NPAT: variants seen among roughly 807,000 people sequenced by gnomAD.
NPAT encodes nuclear protein, coactivator of histone transcription, also known as protein NPAT.
A neutral mutation model predicts 130.7 loss-of-function variants in NPAT; 52 were observed. The observed-to-expected ratio is 0.40, with a 90% CI of 0.32 to 0.50. The LOEUF (loss-of-function observed/expected upper bound fraction) is 0.50, where lower values mean the gene tolerates loss of function less well. Among genes scored for constraint, NPAT ranks in the 20% least tolerant of loss-of-function variants. The probability of loss-of-function intolerance (pLI) is 0.68; values close to 1 mark genes in which losing one functional copy is unlikely to be tolerated. For missense variants in NPAT, 1,687 were observed against 1,662.6 expected, an observed-to-expected ratio of 1.01 and a Z score of -0.26; for synonymous variants, 580 against 584.8, an observed-to-expected ratio of 0.99 and a Z score of 0.12.
In NPAT at chr11:108,173,815, T is replaced by C. The variant is rs775420160; in HGVS notation, c.1169A>G (p.Tyr390Cys). 5.0e-6 allele frequency: 8 copies of C among 1,614,134 alleles called. No individual in the cohort carries two copies. Among genetic ancestry groups the C allele is most frequent in the Non-Finnish European group, 4.2e-6 (5 of 1,180,012 alleles). The change falls in exon 13 of 18, where the codon TAT becomes TGT. Residue 390 changes from tyrosine to cysteine, a missense_variant. By Grantham distance (194) the Tyr-to-Cys change is radical. Around this residue, in one of 3 missense-constraint regions of NPAT, gnomAD observed 1,379 missense variants for 1,346.6 expected, o/e 1.02. Coordinates refer to ENST00000278612, the MANE Select transcript of NPAT (RefSeq NM_002519.3). ...QSGQPAFCTS[Y>C]QNDDPLNALK... ...AGCATTTAATGGGTCATCATTCTGA[T>C]AGGATGTACAAAAAGCGGGCTGACC...
chr11:108,208,319 T>A (rs995198384), intron 1 of NPAT: 4 of 341,528 alleles, frequency 1.2e-5, no homozygotes, highest in African/African-American at 6.6e-5. Flanking sequence ...CACAAAAAGA[T>A]AACATGGCTG....
At chr11:108,207,929 G>A (rs1343509362) in intron 1 of NPAT, among the ~76,000 whole-genome samples, 3 of 152,208 alleles carry the variant, frequency 2.0e-5, no homozygotes, top group Non-Finnish European at 4.4e-5. Context: ...CTGATTCAAA[G>A]ACACAAACAG....
chr11:108,203,850 T>G (rs2078298037), intron 1 of NPAT, among the ~76,000 whole-genome samples: 1 of 152,264 alleles, frequency 6.6e-6, no homozygotes, highest in Non-Finnish European at 1.5e-5. Context: ...TTATTTCTGT[T>G]ATCTTTGGGA....
At chr11:108,214,622 A>C (rs1315995904) in intron 1 of NPAT, among the ~76,000 whole-genome samples, 1 of 151,548 alleles carries the variant, frequency 6.6e-6, no homozygotes, top group African/African-American at 2.4e-5. Context: ...ATAAAAAAAT[A>C]TGATTCCAAT....
chr11:108,200,413 C>A (rs963671184), intron 1 of NPAT, among the ~76,000 whole-genome samples: 3 of 152,174 alleles, frequency 2.0e-5, no homozygotes, highest in Non-Finnish European at 4.4e-5. Flanking sequence ...AACTCCTCTG[C>A]TAGGCAGGGC....
intron 5 of NPAT, among the ~76,000 whole-genome samples, chr11:108,189,882 A>C (rs951731846): frequency 2.0e-5 from 3 of 151,482 alleles, no homozygotes; most frequent in African/African-American, 7.3e-5. Context: ...AAAAAAAAAA[A>C]AACAAAAAAC....
At chr11:108,204,171 C>T (rs546225835) in intron 1 of NPAT, among the ~76,000 whole-genome samples, 2 of 152,312 alleles carry the variant, frequency 1.3e-5, no homozygotes, top group South Asian at 4.1e-4. Flanking sequence ...GACAAATTCC[C>T]AGGCAGACAG....
intron 15 of NPAT, among the ~76,000 whole-genome samples, chr11:108,167,524 C>T (rs1462220373): frequency 6.6e-6 from 1 of 152,108 alleles, no homozygotes; most frequent in South Asian, 2.1e-4. Flanking sequence ...CATTTTCTTA[C>T]TGTATTGTCT....
At chr11:108,219,223 A>G (rs1484333555) in intron 1 of NPAT, among the ~76,000 whole-genome samples, 1 of 152,010 alleles carries the variant, frequency 6.6e-6, no homozygotes, top group African/African-American at 2.4e-5. Context: ...TTTTTCCCCC[A>G]TTCCCTTTCT....
chr11:108,214,041 C>T (rs1005865888), intron 1 of NPAT, among the ~76,000 whole-genome samples: 4 of 152,112 alleles, frequency 2.6e-5, no homozygotes, highest in Non-Finnish European at 4.4e-5. Context: ...GCATGTACCA[C>T]CAAATAAATG....
At chr11:108,169,012 T>C (rs1027012398) in intron 15 of NPAT, among the ~76,000 whole-genome samples, 1 of 152,114 alleles carries the variant, frequency 6.6e-6, no homozygotes, top group Non-Finnish European at 1.5e-5. Context: ...CAGATTTGTA[T>C]TTTAGGGAAA....
Position 108,161,486 on chromosome 11 carries a change from A to G in NPAT, c.3600T>C (p.Ser1200=). 6.2e-7 allele frequency: 1 copy of G among 1,614,206 alleles called. No homozygotes were observed. The highest frequency in any genetic ancestry group is 8.5e-7 in the Non-Finnish European group (1 of 1,180,034). ...TGGTCATTTCTTGCAGTGAAGCTAT[A>G]GATTTCTCACTTCGCAAACCCCCAT... The part of the protein sequence containing the change: ...QQNGGLRSEK[S]IASLQEMTKK... Residue 1200 remains serine, a synonymous_variant, in exon 17 of 18, where the codon TCT becomes TCC. Coordinates refer to ENST00000278612, the MANE Select transcript of NPAT (RefSeq NM_002519.3).
Position 108,157,964 on chromosome 11 carries a change from T to C in NPAT, c.*978A>G, listed in dbSNP as rs147236990. On this transcript the variant is annotated 3_prime_UTR_variant, in exon 18 of 18. Coordinates refer to ENST00000278612, the MANE Select transcript of NPAT (RefSeq NM_002519.3). ...TAGATATAGTTATTTAACATACCCA[T>C]TGTAGGAGAAACTAAAATATAAAAC... 2.6e-5 allele frequency: 4 copies of C among 152,620 alleles called. No homozygotes were observed. The highest frequency in any genetic ancestry group is 9.6e-5 in the African/African-American group (4 of 41,560). The allele number at this position is 152,620 out of a possible 1,614,324, so 9.5% of individuals were successfully genotyped here. A position where few individuals can be genotyped will look rare whatever the true frequency, so the allele number is the denominator to read the frequency against.
At position 108,172,290 on chromosome 11, in the gene NPAT, A is replaced by T. The variant is rs749480404; in HGVS notation, c.2694T>A (p.Thr898=). The change falls in exon 13 of 18, where the codon ACT becomes ACA. Residue 898 remains threonine (T), a synonymous_variant. Transcript: ENST00000278612. ...GTAACTGAGGTGGTAGAGGTTGAGC[A>T]GTCATAGGTGCAGAATTTCCAGGCA... ...VVLPGNSAPM[T]AQPLPPQLQT... is the part of the protein sequence containing the mutation. 1.2e-5 allele frequency: 19 copies of T among 1,614,120 alleles called. No individual in the cohort carries two copies. Among genetic ancestry groups the T allele is most frequent in the Non-Finnish European group, 1.6e-5 (19 of 1,179,936 alleles).
intron 10 of NPAT, among the ~76,000 whole-genome samples, chr11:108,182,169 C>T (rs1340719377): frequency 6.6e-6 from 1 of 152,170 alleles, no homozygotes; most frequent in Non-Finnish European, 1.5e-5. Flanking sequence ...AAGGGCAGCA[C>T]TACCAGGCCA....
At chr11:108,162,554 C>T (rs1297582711) in intron 15 of NPAT, among the ~76,000 whole-genome samples, 2 of 152,110 alleles carry the variant, frequency 1.3e-5, no homozygotes, top group African/African-American at 2.4e-5. Context: ...CCTCAGCCTC[C>T]CGAGTAGCTG....
At position 108,176,327 on chromosome 11, in the gene NPAT, G is replaced by A. The variant is rs1270708385; in HGVS notation, c.1051C>T (p.Pro351Ser). The change falls in exon 12 of 18, where the codon CCT (proline) becomes TCT (serine). Residue 351 changes from proline (P) to serine (S), a missense_variant. Pro to Ser is a moderately conservative substitution (Grantham distance 74). Coordinates refer to ENST00000278612, the MANE Select transcript of NPAT (RefSeq NM_002519.3). The stretch of plus-strand genomic sequence containing the variant: ...ACTATACTGGGATTGGATTCCATAG[G>A]TTGACTGGAAATACTTTGTGATATA... ...KNISQSISSQPMESNPSIVLA... is the reference protein window; with the variant it reads ...KNISQSISSQSMESNPSIVLA... The A allele has an allele frequency of 6.4e-7, 1 of 1,560,718 alleles. No individual in the cohort carries two copies. The highest frequency in any genetic ancestry group is 8.8e-7 in the Non-Finnish European group (1 of 1,131,786).
At chr11:108,216,077 C>T (rs1341270576) in intron 1 of NPAT, among the ~76,000 whole-genome samples, 2 of 151,104 alleles carry the variant, frequency 1.3e-5, no homozygotes, top group African/African-American at 2.5e-5. Flanking sequence ...TTTTTGTAAA[C>T]ACAAAAATTT....
chr11:108,186,377 C>T, intron 8 of NPAT, 105 bp downstream of exon 8: 1 of 831,010 alleles, frequency 1.2e-6, no homozygotes, highest in South Asian at 1.4e-5. Context: ...AAACTTACTC[C>T]TGTTTCTTTA....
Sources: allele counts gnomAD v4.1 joint callset (sites outside exome capture counted in the v4.1 genomes callset), GRCh38; gene constraint gnomAD v4.1.1; regional missense constraint gnomAD v4.1.1; transcripts MANE v1.5; gene names NCBI Gene and HGNC (gene_info 2026-07-23, HGNC 2026-07-21).